OR2L13: variants seen among roughly 807,000 people sequenced by gnomAD.
The protein encoded by OR2L13 is olfactory receptor 2L13.
In OR2L13, 14 loss-of-function variants were observed where a neutral mutation model predicts 15.3. The ratio of observed to expected loss-of-function variants is 0.91; its 90% CI spans 0.60 to 1.43. The LOEUF (loss-of-function observed/expected upper bound fraction) is 1.43. Ranked by LOEUF, OR2L13 falls within the 40% of genes most tolerant of loss-of-function variation. The pLI is 0.00. For synonymous variants in OR2L13, 152 were observed against 142.9 expected (o/e 1.06, Z -0.45); for missense variants, 367 against 387.9 (o/e 0.95, Z 0.45).
At chr1:248,091,007 G>A (rs1391212861), upstream of OR2L13, among the ~76,000 whole-genome samples, 1 of 151,926 alleles carries the variant, frequency 6.6e-6, no homozygotes, top group African/African-American at 2.4e-5. Context: ...ATCTCATTGT[G>A]GTTTTGATAT....
At chr1:248,000,206 G>C in the OR2L13 span, among the ~76,000 whole-genome samples, 1 of 150,080 alleles carries the variant, frequency 6.7e-6, no homozygotes, top group Admixed American at 6.7e-5. Context: ...GCCTTATTTT[G>C]TGATGAATAA....
At chr1:248,082,140 C>A in the OR2L13 span, among the ~76,000 whole-genome samples, 350 of 145,166 alleles carry the variant, frequency 2.4e-3, no homozygotes, top group African/African-American at 8.4e-3. Flanking sequence ...GGCATATATA[C>A]ACCATGGAAT....
the OR2L13 span, among the ~76,000 whole-genome samples, chr1:248,067,830 G>C: frequency 6.6e-6 from 1 of 152,198 alleles, no homozygotes; most frequent in Non-Finnish European, 1.5e-5. Flanking sequence ...AAAACGGCGC[G>C]CCAGGAGGTT....
the OR2L13 span, among the ~76,000 whole-genome samples, chr1:248,084,870 T>G: frequency 7.1e-3 from 1,077 of 152,310 alleles, 9 homozygotes; most frequent in Non-Finnish European, 0.011. Context: ...TTTGAGATGA[T>G]ACCTTGTCTG....
chr1:248,013,034 G>A, the OR2L13 span, among the ~76,000 whole-genome samples: 44 of 151,634 alleles, frequency 2.9e-4, no homozygotes, highest in African/African-American at 8.4e-4. Context: ...TTTCATAAGA[G>A]AAAATTGTTT....
At chr1:248,053,309 A>G in the OR2L13 span, among the ~76,000 whole-genome samples, 1 of 152,164 alleles carries the variant, frequency 6.6e-6, no homozygotes, top group Non-Finnish European at 1.5e-5. Flanking sequence ...GCTGTATAGT[A>G]TTCCATTGTG....
chr1:247,965,288 G>T, the OR2L13 span: 1 of 1,394,410 alleles, frequency 7.2e-7, no homozygotes, highest in Non-Finnish European at 9.6e-7. Context: ...ATTTCTGAAT[G>T]CCATGTCATT....
the OR2L13 span, among the ~76,000 whole-genome samples, chr1:247,948,218 A>G: frequency 6.6e-6 from 1 of 152,174 alleles, no homozygotes; most frequent in African/African-American, 2.4e-5. Flanking sequence ...GTCACTTAAA[A>G]AAAAAGAAAA....
chr1:248,022,823 A>G, the OR2L13 span: 1 of 1,613,272 alleles, frequency 6.2e-7, no homozygotes, highest in East Asian at 2.2e-5. Context: ...ACAGCCTGAG[A>G]AACAAGGAGG....
the OR2L13 span, among the ~76,000 whole-genome samples, chr1:247,982,918 A>G: frequency 6.6e-6 from 1 of 152,256 alleles, no homozygotes; most frequent in African/African-American, 2.4e-5. Context: ...TGGGTAATTA[A>G]AGTGAGCCAG....
chr1:247,981,444 T>G, the OR2L13 span, among the ~76,000 whole-genome samples: 1 of 152,250 alleles, frequency 6.6e-6, no homozygotes, highest in Non-Finnish European at 1.5e-5. Flanking sequence ...AGCTGTGATA[T>G]GGTTATCCAG....
chr1:247,972,155 C>A, the OR2L13 span, among the ~76,000 whole-genome samples: 5 of 152,190 alleles, frequency 3.3e-5, no homozygotes, highest in Non-Finnish European at 7.4e-5. Flanking sequence ...TAAATGCCCA[C>A]ATTAGAAAAG....
chr1:248,012,555 AACCAG>A, the OR2L13 span, among the ~76,000 whole-genome samples: 1 of 152,144 alleles, frequency 6.6e-6, no homozygotes, highest in Non-Finnish European at 1.5e-5. Context: ...GAAGATATAA[AACCAG>A]TGCCTAGTGT....
At chr1:248,001,967 A>G in the OR2L13 span, among the ~76,000 whole-genome samples, 6 of 152,210 alleles carry the variant, frequency 3.9e-5, no homozygotes, top group Non-Finnish European at 7.4e-5. Flanking sequence ...TGTGTTAACA[A>G]TTTCAAATAT....
At chr1:248,041,540 A>G in the OR2L13 span, 1 of 152,254 alleles carries the variant, frequency 6.6e-6, no homozygotes, top group East Asian at 1.9e-4. Context: ...GCTTCTGCAC[A>G]GCAAAAGAAA....
chr1:247,955,595 T>A, the OR2L13 span, among the ~76,000 whole-genome samples: 2 of 150,848 alleles, frequency 1.3e-5, no homozygotes, highest in Non-Finnish European at 3.0e-5. Flanking sequence ...TTTCTCCACA[T>A]CCTCTCCAGC....
chr1:248,096,332 A>G (rs905777856), upstream of OR2L13, among the ~76,000 whole-genome samples: 7 of 151,846 alleles, frequency 4.6e-5, no homozygotes, highest in African/African-American at 9.7e-5. Flanking sequence ...GCAGTGAGCC[A>G]AGATCAGGCC....
chr1:248,029,501 T>C, the OR2L13 span, among the ~76,000 whole-genome samples: 2 of 152,130 alleles, frequency 1.3e-5, no homozygotes, highest in Non-Finnish European at 2.9e-5. Context: ...AATAACAACA[T>C]TTTATTATCT....
the OR2L13 span, chr1:247,990,657 C>G: frequency 6.5e-7 from 1 of 1,527,422 alleles, no homozygotes; most frequent in South Asian, 1.1e-5. Context: ...TTCCTCTCCA[C>G]TATCCCATCC....
Sources: gnomAD v4.1 joint callset for allele counts (sites outside exome capture counted in the v4.1 genomes callset) on GRCh38, gnomAD v4.1.1 for gene constraint, MANE v1.5 for transcripts, NCBI Gene and HGNC (gene_info 2026-07-23, HGNC 2026-07-21) for gene names.